The following SERPINB6 variants were observed in gnomAD, a reference collection of about 807,000 sequenced individuals.
SERPINB6 encodes serpin family B member 6.
A neutral mutation model predicts 26.1 loss-of-function variants in SERPINB6; 16 were observed. The observed-to-expected ratio is 0.61, with a 90% CI of 0.42 to 0.93. The LOEUF (loss-of-function observed/expected upper bound fraction) is 0.93. SERPINB6 is among the 40% of genes least tolerant of loss of function. SERPINB6 has a pLI of 0.00. For missense variants in SERPINB6, 420 were observed against 478.0 expected, an observed-to-expected ratio of 0.88 and a Z score of 1.13; for synonymous variants, 174 against 176.6, an observed-to-expected ratio of 0.99 and a Z score of 0.11.
chr6:2,957,707 G>A (rs570132560), intron 2 of SERPINB6: 3 of 152,418 alleles, frequency 2.0e-5, no homozygotes, highest in Non-Finnish European at 2.9e-5. Context: ...AGAGAGAGAC[G>A]GCTCAAAGTG....
At position 2,948,528 on chromosome 6, in the gene SERPINB6, C is replaced by T. The variant is rs201754754; in HGVS notation, c.901G>A (p.Asp301Asn). The stretch of plus-strand genomic sequence containing the variant: ...TCTGTCTGGGACATTCCAGAGAAGT[C>T]TGCCTTGCCCAGCTCGAAGGCATCA... ...MTDAFELGKA[D>N]FSGMSQTDLS... is the part of the protein sequence containing the mutation. The change falls in exon 7 of 7, where the codon GAC (aspartate) becomes AAC (asparagine). Residue 301 changes from aspartate to asparagine, a missense_variant. Asp to Asn is a conservative substitution (Grantham distance 23). Transcript: ENST00000380539. This position sits in a 1 kb window ranked among gnomAD's most constrained non-coding sequence, Gnocchi z 5.0. The T allele has an allele frequency of 2.5e-4, 404 of 1,614,210 alleles. 1 individual carries two copies. The highest frequency in any genetic ancestry group is 1.3e-3 in the Middle Eastern group (8 of 6,062).
rs1771780602 is a variant in SERPINB6, at chr6:2,967,980, C to T, written c.-11+3553G>A. 1 of 150,512 alleles carries T rather than the reference C, an allele frequency of 6.6e-6. No individual in the cohort carries two copies. The highest frequency in any genetic ancestry group is 6.6e-5 in the Admixed American group (1 of 15,172). 9.3% of individuals were successfully genotyped at this position (150,512 alleles called of 1,614,324 possible). A position where few individuals can be genotyped will look rare whatever the true frequency, so the allele number is the denominator to read the frequency against. On this transcript the variant is annotated intron_variant, in intron 1 of 6. Coordinates refer to ENST00000380539, the MANE Select transcript of SERPINB6 (RefSeq NM_004568.6). The surrounding 1 kb of genome is among the most constrained non-coding windows in gnomAD (Gnocchi z 4.3). ...GGAGAGAGGAATAGAAATCATTCTC[C>T]CATAAAGATACACGCACGCGAATGT... is the stretch of plus-strand genomic sequence containing the variant.
intron 4 of SERPINB6, among the ~76,000 whole-genome samples, chr6:2,954,337 G>A (rs1051501560): frequency 2.6e-5 from 4 of 152,148 alleles, no homozygotes; most frequent in Non-Finnish European, 1.5e-5. Context: ...GATTGATCCA[G>A]AAGAGGTATA....
intron 1 of SERPINB6, chr6:2,971,043 A>T: frequency 8.4e-7 from 1 of 1,192,146 alleles, no homozygotes; most frequent in Non-Finnish European, 1.0e-6. Flanking sequence ...CCGGCGCCCC[A>T]AGACTGAGCA....
At position 2,955,519 on chromosome 6, in the gene SERPINB6, C is replaced by G. The variant is rs746716254; in HGVS notation, c.312+5G>C. On this transcript the variant is annotated splice_donor_5th_base_variant and intron_variant, in intron 3 of 6. Coordinates refer to ENST00000380539, the MANE Select transcript of SERPINB6 (RefSeq NM_004568.6). ...CTTTAGTGAATAAGAGCAAGTATGACTTACTGAGAGGAAATCACAAGACTT... is the reference window on the plus strand; with the variant it reads ...CTTTAGTGAATAAGAGCAAGTATGAGTTACTGAGAGGAAATCACAAGACTT... The G allele has an allele frequency of 1.2e-6, 2 of 1,614,240 alleles. No homozygotes were observed. Among genetic ancestry groups the G allele is most frequent in the East Asian group, 2.2e-5 (1 of 44,884 alleles).
chr6:2,952,998 G>GCTCGT (rs759441499), intron 5 of SERPINB6, 46 bp downstream of exon 5: 40 of 1,612,686 alleles, frequency 2.5e-5, no homozygotes, highest in Non-Finnish European at 3.3e-5. Context: ...AGCCGGAGAC[G>GCTCGT]CTCGTGTGAA....
chr6:2,959,571 G>T (rs1186090117), intron 1 of SERPINB6: 5 of 553,806 alleles, frequency 9.0e-6, no homozygotes, highest in Non-Finnish European at 1.6e-5. Flanking sequence ...GTTTTGTGAG[G>T]ACTCCTCCCT....
intron 1 of SERPINB6, chr6:2,966,543 G>C: frequency 3.4e-6 from 1 of 291,574 alleles, no homozygotes; most frequent in African/African-American, 2.3e-5. Context: ...AGTCTTGTAG[G>C]AGAGTGAACC....
chr6:2,971,116 C>T (rs1278891695), intron 1 of SERPINB6: 1 of 1,064,334 alleles, frequency 9.4e-7, no homozygotes, highest in Non-Finnish European at 1.1e-6. Context: ...ACCGGGGTCA[C>T]CTGTGGCCCG....
intron 2 of SERPINB6, among the ~76,000 whole-genome samples, chr6:2,958,462 A>G (rs1038139720): frequency 1.3e-5 from 2 of 152,120 alleles, no homozygotes; most frequent in African/African-American, 2.4e-5. Flanking sequence ...CGGGGACGTG[A>G]TGGGTACTTG....
Position 2,948,907 on chromosome 6 carries a change from C to G in SERPINB6, c.729+7G>C. 1 of 1,614,198 alleles carries G rather than the reference C, an allele frequency of 6.2e-7. No homozygotes were observed. On this transcript the variant is annotated splice_region_variant and intron_variant, in intron 6 of 6. Coordinates refer to ENST00000380539, the MANE Select transcript of SERPINB6 (RefSeq NM_004568.6). This position sits in a 1 kb window ranked among gnomAD's most constrained non-coding sequence, Gnocchi z 5.0. ...CTAGCACGCCTCGCTCACAGCTTAG[C>G]TGTTACCGTTCTCAAGTCAGTGGTC...
chr6:2,962,241 G>A, intron 1 of SERPINB6: 2 of 983,488 alleles, frequency 2.0e-6, no homozygotes, highest in Non-Finnish European at 2.4e-6. Flanking sequence ...AGAAGTCGGT[G>A]CACATGAGTT....
In SERPINB6 at chr6:2,948,253, A is replaced by T. The variant is rs763552275; in HGVS notation, c.*45T>A. The T allele has an allele frequency of 2.6e-5, 42 of 1,609,748 alleles. No homozygotes were observed. Among genetic ancestry groups the T allele is most frequent in the Non-Finnish European group, 3.6e-5 (42 of 1,177,896 alleles). Reference sequence around the variant, plus strand: ...GGTTGCAGGCACACTGTGGAGTGTCAGGGGACAGAGAGGAGAGGGGCTGCA... The same window carrying T: ...GGTTGCAGGCACACTGTGGAGTGTCTGGGGACAGAGAGGAGAGGGGCTGCA... On this transcript the variant is annotated 3_prime_UTR_variant, in exon 7 of 7. Transcript: ENST00000380539. This position sits in a 1 kb window ranked among gnomAD's most constrained non-coding sequence, Gnocchi z 5.0.
Position 2,953,154 on chromosome 6 carries a change from C to A in SERPINB6, c.463G>T (p.Val155Leu). The A allele has an allele frequency of 6.2e-7, 1 of 1,614,224 alleles. No individual in the cohort carries two copies. The highest frequency in any genetic ancestry group is 1.1e-5 in the South Asian group (1 of 91,086). Residue 155 changes from valine (V) to leucine (L), a missense_variant, in exon 5 of 7, where the codon GTG (valine) becomes TTG (leucine). Val to Leu is a conservative substitution (Grantham distance 32). Transcript: ENST00000380539. ...KIAELLSPGSVDPLTRLVLVN... is the reference protein window; with the variant it reads ...KIAELLSPGSLDPLTRLVLVN... The stretch of plus-strand genomic sequence containing the variant: ...AGAACCAGCCTTGTCAATGGATCCA[C>A]TGAGCCCGGAGAGAGCAACTCCGCA...
chr6:2,965,681 G>A (rs2113326530), intron 1 of SERPINB6, among the ~76,000 whole-genome samples: 1 of 152,146 alleles, frequency 6.6e-6, no homozygotes, highest in African/African-American at 2.4e-5. Flanking sequence ...CTGTACTTAT[G>A]TCTAGCAAAA....
rs529196269 is a variant in SERPINB6, at chr6:2,950,163, CT to C, written c.574-1095del. 1.6e-4 allele frequency among the ~76,000 whole-genome samples: 24 copies of C among 152,274 alleles called. No homozygotes were observed. In the South Asian group the frequency reaches 4.3e-3, roughly 28 times the overall value. ...TGTCTCTCCCCCAAGAAAACATAAG[CT>C]TCACCAGGGCAAGCATGCTTTGCTT... On this transcript the variant is annotated intron_variant, in intron 5 of 6. Coordinates refer to ENST00000380539, the MANE Select transcript of SERPINB6 (RefSeq NM_004568.6).
chr6:2,953,920 C>T (rs1770112248), intron 4 of SERPINB6, among the ~76,000 whole-genome samples: 1 of 151,926 alleles, frequency 6.6e-6, no homozygotes, highest in Non-Finnish European at 1.5e-5. Context: ...ATCCCAACTA[C>T]TTGGGAGGTT....
In SERPINB6 at chr6:2,948,387, G is replaced by C. The variant is rs774270238; in HGVS notation, c.1042C>G (p.Arg348Gly). ...MMMRCARFVP[R>G]FCADHPFLFF... ...AGGAAGGGGTGGTCGGCGCAGAAGC[G>C]GGGGACGAATCTGGCACACCGCATC... Residue 348 changes from arginine (R) to glycine (G), a missense_variant, in exon 7 of 7, where the codon CGC becomes GGC. Transcript: ENST00000380539. The surrounding 1 kb of genome is among the most constrained non-coding windows in gnomAD (Gnocchi z 5.0). The C allele has an allele frequency of 5.3e-5, 85 of 1,614,048 alleles. No individual in the cohort carries two copies. The highest frequency in any genetic ancestry group is 7.2e-5 in the Non-Finnish European group (85 of 1,180,038).
chr6:2,970,437 A>C, intron 1 of SERPINB6: 2 of 1,069,558 alleles, frequency 1.9e-6, no homozygotes, highest in South Asian at 9.1e-5. Flanking sequence ...AACAGCAGTC[A>C]CTGGTGTTAA....
Sources: allele counts gnomAD v4.1 joint callset (sites outside exome capture counted in the v4.1 genomes callset), GRCh38; gene constraint gnomAD v4.1.1; non-coding constraint Gnocchi (gnomAD v3.1); transcripts MANE v1.5; gene names NCBI Gene and HGNC (gene_info 2026-07-23, HGNC 2026-07-21).